Variants in LGMN observed in about 807,000 individuals in gnomAD.
LGMN encodes asparaginyl endopeptidase.
A neutral mutation model predicts 56.8 loss-of-function variants in LGMN; 36 were observed. That is an observed-to-expected ratio of 0.63 (90% CI 0.49 to 0.84). LGMN has a LOEUF of 0.84. Ranked by LOEUF, LGMN falls within the 40% of genes least tolerant of loss-of-function variation. The pLI is 0.00. For synonymous variants in LGMN, 199 were observed against 210.1 expected (o/e 0.95, Z 0.46); for missense variants, 446 against 556.1 (o/e 0.80, Z 1.99).
At chr14:92,709,894 G>C (rs1255284004) in intron 10 of LGMN, 22 bp from the exon 11 acceptor site, 3 of 1,556,922 alleles carry the variant, frequency 1.9e-6, no homozygotes, top group African/African-American at 2.7e-5. Flanking sequence ...GACAGCAAGA[G>C]AGAGCGAGAG....
chr14:92,732,620 A>C lies in LGMN; in HGVS notation c.138+29T>G, dbSNP rs759640231. 8.1e-6 allele frequency: 13 copies of C among 1,611,112 alleles called. No individual in the cohort carries two copies. The African/African-American group carries it at 1.5e-4, about 18-fold the overall frequency. ...TTGTTTTCAGAATGCCAGTGTCCTT[A>C]ACAAAAAAAAGATTAGTCATTTTCT... On this transcript the variant is annotated intron_variant, in intron 2 of 13. Transcript: ENST00000334869.
chr14:92,721,139 A>G (rs1890454361), intron 2 of LGMN, among the ~76,000 whole-genome samples: 1 of 152,070 alleles, frequency 6.6e-6, no homozygotes. Context: ...CGATCCTCCC[A>G]CCTTGGATAG....
chr14:92,718,923 T>C (rs1314192671), intron 2 of LGMN, 79 bp from the exon 3 acceptor site: 4 of 879,722 alleles, frequency 4.5e-6, no homozygotes, highest in South Asian at 1.5e-5. Flanking sequence ...ATGTGTTCTG[T>C]CTCCTGGAAG....
chr14:92,719,263 ACCGCCG>A (rs1187585709), intron 2 of LGMN, among the ~76,000 whole-genome samples: 25,020 of 64,294 alleles, frequency 0.39, 4,831 homozygotes, highest in Admixed American at 0.51. Context: ...CACCACCGCC[ACCGCCG>A]CCGCCGCCAC....
chr14:92,738,455 T>G (rs979242327), intron 1 of LGMN, among the ~76,000 whole-genome samples: 1 of 151,586 alleles, frequency 6.6e-6, no homozygotes, highest in Admixed American at 6.6e-5. Flanking sequence ...TTTTTTTGTA[T>G]TTTTAGTAGA....
Position 92,714,595 on chromosome 14 carries a change from T to G in LGMN, c.405-144A>C. On this transcript the variant is annotated intron_variant, in intron 5 of 13. Coordinates refer to ENST00000334869, the MANE Select transcript of LGMN (RefSeq NM_005606.7). This position sits in a 1 kb window ranked among gnomAD's most constrained non-coding sequence, Gnocchi z 5.1. ...TTTGAAGATGAACACAAGGGCCCGG[T>G]GCCCGGTGTCTGGCCTGTCCCCTCC... The G allele has an allele frequency of 1.8e-5, 11 of 615,070 alleles. No homozygotes were observed. The highest frequency in any genetic ancestry group is 2.8e-5 in the East Asian group (1 of 35,772). The allele number at this position is 615,070 out of a possible 1,614,324, so 38.1% of individuals were successfully genotyped here. A position where few individuals can be genotyped will look rare whatever the true frequency, so the allele number is the denominator to read the frequency against.
intron 1 of LGMN, chr14:92,743,119 C>G (rs1425928040): frequency 1.3e-5 from 2 of 151,850 alleles, no homozygotes; most frequent in Non-Finnish European, 2.9e-5. Context: ...TGGGCCTTCA[C>G]AGTCCATCTG....
chr14:92,713,829 G>T lies in LGMN; in HGVS notation c.537C>A (p.Tyr179Ter). The T allele has an allele frequency of 6.2e-7, 1 of 1,612,106 alleles. No individual in the cohort carries two copies. The highest frequency in any genetic ancestry group is 1.1e-5 in the South Asian group (1 of 91,020). Residue 179 changes from tyrosine (Y) to a stop codon, truncating the protein, a stop_gained, in exon 7 of 14, where the codon TAC (tyrosine) becomes TAA (stop). Coordinates refer to ENST00000334869, the MANE Select transcript of LGMN (RefSeq NM_005606.7). LOFTEE classifies it high-confidence loss of function. The stretch of plus-strand genomic sequence containing the variant: ...GCCCCAAGGGCTGAATTACCTTTCG[G>T]TACATTTTGTGTTTGTACATGTAAT... ...TIHYMYKHKMYRKMVFYIEAC... is the reference protein window; with the variant it reads ...TIHYMYKHKM
At chr14:92,724,024 C>A (rs1890625350) in intron 2 of LGMN, among the ~76,000 whole-genome samples, 1 of 152,168 alleles carries the variant, frequency 6.6e-6, no homozygotes, top group African/African-American at 2.4e-5. Context: ...GAGCCACCAC[C>A]CGGCCTGCCC....
rs151043751 is a variant in LGMN, at chr14:92,711,843, C to G, written c.723G>C (p.Ser241=). Residue 241 remains serine (S), a synonymous_variant, in exon 9 of 14, where the codon TCG becomes TCC. Coordinates refer to ENST00000334869, the MANE Select transcript of LGMN (RefSeq NM_005606.7). ...DWYSVNWMED[S]DVEDLTKETL... Reference sequence around the variant, plus strand: ...CAGCCCCCAAAGGGCTCACCACGTCCGAATCTTCCATCCAGTTGACGCTGT... The same window carrying G: ...CAGCCCCCAAAGGGCTCACCACGTCGGAATCTTCCATCCAGTTGACGCTGT... The G allele has an allele frequency of 1.9e-6, 3 of 1,612,304 alleles. No homozygotes were observed. The highest frequency in any genetic ancestry group is 2.5e-6 in the Non-Finnish European group (3 of 1,178,436).
At chr14:92,748,082 C>G in intron 1 of LGMN, among the ~76,000 whole-genome samples, 1 of 152,094 alleles carries the variant, frequency 6.6e-6, no homozygotes, top group South Asian at 2.1e-4. Context: ...GGGTGCAATC[C>G]TCCACATTAA....
At chr14:92,748,252 G>A (rs1891903462) in intron 1 of LGMN, among the ~76,000 whole-genome samples, 1 of 152,032 alleles carries the variant, frequency 6.6e-6, no homozygotes, top group Non-Finnish European at 1.5e-5. Context: ...CAACACGCGT[G>A]AGAAACGAGA....
In LGMN at chr14:92,716,236, G is replaced by A; in HGVS notation, c.319-15C>T. 1 of 1,589,480 alleles carries A rather than the reference G, an allele frequency of 6.3e-7. No individual in the cohort carries two copies. The highest frequency in any genetic ancestry group is 1.1e-5 in the South Asian group (1 of 90,550). ...GGGGTAACATCCTACAAAGAATTAG[G>A]AGCCACAATCAGATGCAGCTGTCGC... On this transcript the variant is annotated splice_polypyrimidine_tract_variant and intron_variant, in intron 4 of 13. Transcript: ENST00000334869.
chr14:92,715,214 G>GGTGTGTGTGTGTGTGTGT (rs145432785), intron 5 of LGMN, among the ~76,000 whole-genome samples: 1 of 148,930 alleles, frequency 6.7e-6, no homozygotes, highest in African/African-American at 2.5e-5. Flanking sequence ...GGTCAGGGTG[G>GGTGTGTGTGTGTGTGTGT]GTGTGTGTGT....
intron 12 of LGMN, 60 bp from the exon 13 acceptor site, chr14:92,704,767 C>A: frequency 7.2e-7 from 1 of 1,386,002 alleles, no homozygotes; most frequent in Admixed American, 1.7e-5. Context: ...ATCCACTCCA[C>A]TTTTGCAATT....
chr14:92,732,015 G>C (rs1008271026), intron 2 of LGMN, among the ~76,000 whole-genome samples: 6 of 152,020 alleles, frequency 3.9e-5, no homozygotes, highest in Non-Finnish European at 7.4e-5. Flanking sequence ...TGGGGGAGGA[G>C]GGTGTGAAGA....
At chr14:92,747,681 T>C (rs975044310) in intron 1 of LGMN, among the ~76,000 whole-genome samples, 4 of 152,164 alleles carry the variant, frequency 2.6e-5, no homozygotes, top group African/African-American at 9.7e-5. Flanking sequence ...CAATCTCTGC[T>C]CAAAAAGCTT....
At chr14:92,746,467 G>A (rs973605481) in intron 1 of LGMN, among the ~76,000 whole-genome samples, 8 of 152,264 alleles carry the variant, frequency 5.3e-5, no homozygotes, top group Middle Eastern at 3.4e-3. Context: ...TTAATGCTGT[G>A]GTATGGTGTA....
intron 2 of LGMN, among the ~76,000 whole-genome samples, chr14:92,724,880 C>T (rs1014785526): frequency 3.9e-5 from 6 of 152,192 alleles, no homozygotes; most frequent in Admixed American, 1.3e-4. Flanking sequence ...GTAAAGGGTC[C>T]GCTCTCCAGC....
Sources: allele counts gnomAD v4.1 joint callset (sites outside exome capture counted in the v4.1 genomes callset), GRCh38; gene constraint gnomAD v4.1.1; non-coding constraint Gnocchi (gnomAD v3.1); transcripts MANE v1.5; gene names NCBI Gene and HGNC (gene_info 2026-07-23, HGNC 2026-07-21).